SPOCK1: variants seen among roughly 807,000 people sequenced by gnomAD.
The protein encoded by SPOCK1 is SPARC (osteonectin), cwcv and kazal like domains proteoglycan 1.
SPOCK1 carries 23 observed loss-of-function variants against 55.3 expected under a neutral mutation model. The ratio of observed to expected loss-of-function variants is 0.42; its 90% confidence interval spans 0.30 to 0.59. SPOCK1 has a LOEUF of 0.59. SPOCK1 is among the 20% of genes least tolerant of loss of function. The probability of loss-of-function intolerance (pLI) is 0.22; values close to 1 mark genes in which losing one functional copy is unlikely to be tolerated. For missense variants in SPOCK1, 499 were observed against 552.5 expected, an observed-to-expected ratio of 0.90 and a Z score of 0.97; for synonymous variants, 226 against 221.0, an observed-to-expected ratio of 1.02 and a Z score of -0.20.
intron 2 of SPOCK1, among the ~76,000 whole-genome samples, chr5:137,402,438 T>C (rs1291597753): frequency 1.3e-5 from 2 of 152,216 alleles, no homozygotes; most frequent in African/African-American, 2.4e-5. Context: ...TTGACAACCA[T>C]TTGGAGTGGG....
chr5:137,246,475 A>C (rs1756397039), intron 3 of SPOCK1, among the ~76,000 whole-genome samples: 1 of 151,966 alleles, frequency 6.6e-6, no homozygotes, highest in Non-Finnish European at 1.5e-5. Context: ...ATTTTCTCCC[A>C]CTCCCACTTA....
chr5:137,246,813 A>G (rs1443172380), intron 3 of SPOCK1, among the ~76,000 whole-genome samples: 1 of 149,952 alleles, frequency 6.7e-6, no homozygotes, highest in Non-Finnish European at 1.5e-5. Context: ...AGAACCCCAA[A>G]ACAAGCTGAA....
intron 2 of SPOCK1, among the ~76,000 whole-genome samples, chr5:137,337,620 C>T (rs1750308936): frequency 6.6e-6 from 1 of 152,182 alleles, no homozygotes; most frequent in African/African-American, 2.4e-5. Context: ...CAGCATCCAT[C>T]GAGCTAAAGG....
intron 2 of SPOCK1, among the ~76,000 whole-genome samples, chr5:137,271,973 G>T (rs1756973060): frequency 6.6e-6 from 1 of 152,170 alleles, no homozygotes; most frequent in Non-Finnish European, 1.5e-5. Context: ...AGCCTCATTT[G>T]TCTTGACCAG....
At chr5:137,465,083 G>C (rs1480272864) in intron 2 of SPOCK1, among the ~76,000 whole-genome samples, 1 of 152,170 alleles carries the variant, frequency 6.6e-6, no homozygotes, top group Non-Finnish European at 1.5e-5. Flanking sequence ...TAACACCAGA[G>C]TCCAGGATTC....
chr5:137,191,381 C>A (rs867427268), intron 3 of SPOCK1, among the ~76,000 whole-genome samples: 43 of 151,310 alleles, frequency 2.8e-4, no homozygotes, highest in African/African-American at 1.0e-3. Flanking sequence ...GGATCTCATA[C>A]CACTGGTTTC....
At chr5:137,199,290 C>A (rs1755364981) in intron 3 of SPOCK1, among the ~76,000 whole-genome samples, 1 of 152,148 alleles carries the variant, frequency 6.6e-6, no homozygotes, top group Non-Finnish European at 1.5e-5. Flanking sequence ...CTGACACATG[C>A]CTCCAATATC....
At position 137,106,857 on chromosome 5, in the gene SPOCK1, C is replaced by T. The variant is rs1329773895; in HGVS notation, c.474+5578G>A. Among the ~76,000 whole-genome samples the T allele has an allele frequency of 2.0e-5, 3 of 152,218 alleles. No homozygotes were observed. In the East Asian group the frequency reaches 5.8e-4, roughly 29 times the overall value. On this transcript the variant is annotated intron_variant, in intron 5 of 10. Coordinates refer to ENST00000394945, the MANE Select transcript of SPOCK1 (RefSeq NM_004598.4). ...GGTGACTTTTCTAGCCTCATTTCTA[C>T]AGCTAGTGAACCCCTTTCCCTACCT...
chr5:137,250,486 AT>A (rs1420005145), intron 3 of SPOCK1, among the ~76,000 whole-genome samples: 5 of 152,176 alleles, frequency 3.3e-5, no homozygotes, highest in East Asian at 3.9e-4. Flanking sequence ...TGAAATCAGG[AT>A]TTTTTTTAAC....
intron 5 of SPOCK1, among the ~76,000 whole-genome samples, chr5:137,091,695 C>T (rs1052837549): frequency 5.3e-5 from 8 of 152,228 alleles, no homozygotes; most frequent in South Asian, 2.1e-4. Context: ...AAACAGAGAG[C>T]GCCTCCAGGC....
At chr5:137,363,282 C>T (rs1453162122) in intron 2 of SPOCK1, among the ~76,000 whole-genome samples, 2 of 152,216 alleles carry the variant, frequency 1.3e-5, no homozygotes, top group African/African-American at 4.8e-5. Flanking sequence ...CACAGACATG[C>T]ATTAAATGCA....
chr5:137,282,082 G>A (rs1490980153), intron 2 of SPOCK1, among the ~76,000 whole-genome samples: 5 of 152,278 alleles, frequency 3.3e-5, no homozygotes, highest in South Asian at 2.1e-4. Flanking sequence ...TCGGGTTAAC[G>A]GGAGGATTAT....
At chr5:137,477,241 G>A (rs1753854740) in intron 2 of SPOCK1, among the ~76,000 whole-genome samples, 1 of 152,206 alleles carries the variant, frequency 6.6e-6, no homozygotes, top group Non-Finnish European at 1.5e-5. Context: ...TTAAAATTGT[G>A]TATGTGTGGA....
At chr5:137,479,259 G>T (rs2149841802) in intron 2 of SPOCK1, among the ~76,000 whole-genome samples, 1 of 152,336 alleles carries the variant, frequency 6.6e-6, no homozygotes, top group Middle Eastern at 3.4e-3. Context: ...ATTGAGAGAA[G>T]ATGCAGCATT....
Position 137,447,716 on chromosome 5 carries a change from G to T in SPOCK1, c.186+50657C>A, listed in dbSNP as rs1753158597. Among the ~76,000 whole-genome samples, 4 of 152,148 alleles carry T rather than the reference G, an allele frequency of 2.6e-5. No individual in the cohort carries two copies. The South Asian group carries it at 8.3e-4, about 32-fold the overall frequency. ...TAAACCATCCCTACTCACCTGTTCA[G>T]GCATCTGTAAACCTATCACCATACC... On this transcript the variant is annotated intron_variant, in intron 2 of 10. Coordinates refer to ENST00000394945, the MANE Select transcript of SPOCK1 (RefSeq NM_004598.4).
intron 2 of SPOCK1, among the ~76,000 whole-genome samples, chr5:137,454,782 A>G (rs1753328906): frequency 6.6e-6 from 1 of 152,246 alleles, no homozygotes. Context: ...GTTGAATCAC[A>G]GCAATAAATG....
chr5:137,267,891 G>A (rs1756889453), intron 2 of SPOCK1, among the ~76,000 whole-genome samples: 2 of 152,204 alleles, frequency 1.3e-5, no homozygotes, highest in South Asian at 4.1e-4. Flanking sequence ...AGTTGAAGAG[G>A]TGTCACCCAT....
chr5:137,382,995 G>A (rs72796539), intron 2 of SPOCK1, among the ~76,000 whole-genome samples: 19 of 152,236 alleles, frequency 1.2e-4, no homozygotes, highest in African/African-American at 2.6e-4. Flanking sequence ...AGAAGAGCCA[G>A]CACCAAGCAG....
chr5:137,062,186 C>T lies in SPOCK1; in HGVS notation c.589+5529G>A, dbSNP rs146107286. ...CCACCCATTTGGCCTTCCCCTGGTC[C>T]GTATGGGGAAAGCTGTGGCACCTTG... On this transcript the variant is annotated intron_variant, in intron 6 of 10. Transcript: ENST00000394945. Among the ~76,000 whole-genome samples, 580 of 152,218 alleles carry T rather than the reference C, an allele frequency of 3.8e-3. 3 individuals are homozygous for T. Among genetic ancestry groups the T allele is most frequent in the African/African-American group, 0.013 (541 of 41,554 alleles).
Sources: gnomAD v4.1 joint callset for allele counts (sites outside exome capture counted in the v4.1 genomes callset) on GRCh38, gnomAD v4.1.1 for gene constraint, MANE v1.5 for transcripts, NCBI Gene and HGNC (gene_info 2026-07-23, HGNC 2026-07-21) for gene names.